The following SLC26A4 variants were observed in gnomAD, a reference collection of about 807,000 sequenced individuals.
SLC26A4 encodes solute carrier family 26 member 4.
SLC26A4 carries 93 observed loss-of-function variants against 90.4 expected under a neutral mutation model. The observed-to-expected ratio is 1.03, with a 90% CI of 0.87 to 1.22. The LOEUF is 1.22. SLC26A4 is among the 50% of genes most tolerant of loss of function. SLC26A4 has a pLI of 0.00. For missense variants in SLC26A4, 1,127 were observed against 946.2 expected (o/e 1.19, Z -2.51); for synonymous variants, 393 against 354.6 (o/e 1.11, Z -1.22).
intron 4 of SLC26A4, among the ~76,000 whole-genome samples, chr7:107,673,887 C>T (rs560577526): frequency 6.6e-6 from 1 of 151,988 alleles, no homozygotes; most frequent in Non-Finnish European, 1.5e-5. Context: ...CACCACCACA[C>T]CCAGCTAATT....
rs750780389 is a variant in SLC26A4 at position 107,694,731 on chromosome 7, A to T, written c.1437+15A>T. 3 of 1,524,406 alleles carry T rather than the reference A, an allele frequency of 2.0e-6. No individual in the cohort carries two copies. In the African/African-American group the frequency reaches 4.1e-5, roughly 21 times the overall value. The allele number at this position is 1,524,406 out of a possible 1,614,324, so 94.4% of individuals were successfully genotyped here. On this transcript the variant is annotated intron_variant, in intron 12 of 20. Transcript: ENST00000644269. ...AGATTGATGCTGTAAGTCACCTACC[A>T]CCTATATTTATCTGAAATAAGATTT...
At chr7:107,678,534 G>A (rs1791085199) in intron 6 of SLC26A4, among the ~76,000 whole-genome samples, 1 of 152,170 alleles carries the variant, frequency 6.6e-6, no homozygotes, top group Admixed American at 6.5e-5. Context: ...ACAAAAGTGA[G>A]CAGGAAACAC....
At chr7:107,710,839 A>G in intron 19 of SLC26A4, among the ~76,000 whole-genome samples, 1 of 152,170 alleles carries the variant, frequency 6.6e-6, no homozygotes. Flanking sequence ...GCTTGGCCTA[A>G]TGGTGCTCCT....
chr7:107,662,025 TG>T (rs1463768611), intron 2 of SLC26A4: 1 of 591,522 alleles, frequency 1.7e-6, no homozygotes, highest in African/African-American at 1.9e-5. Context: ...TGAACTTACC[TG>T]GGAAACTCGC....
chr7:107,677,047 C>A (rs973107603), intron 6 of SLC26A4, among the ~76,000 whole-genome samples: 1 of 152,064 alleles, frequency 6.6e-6, no homozygotes, highest in Non-Finnish European at 1.5e-5. Context: ...CATTGTGGCA[C>A]GCACCTGTAG....
chr7:107,714,319 C>T (rs1347855720), intron 20 of SLC26A4, among the ~76,000 whole-genome samples: 1 of 152,142 alleles, frequency 6.6e-6, no homozygotes, highest in Non-Finnish European at 1.5e-5. Flanking sequence ...GCCTTCTCTG[C>T]CTTTTTCTAG....
chr7:107,702,234 G>T (rs1195877465), intron 17 of SLC26A4, among the ~76,000 whole-genome samples, 177 bp downstream of exon 17: 1 of 152,328 alleles, frequency 6.6e-6, no homozygotes, highest in African/African-American at 2.4e-5. Context: ...CTACCTGGGG[G>T]AGATACTGGC....
chr7:107,670,323 G>A (rs1472754903), intron 3 of SLC26A4, among the ~76,000 whole-genome samples: 1 of 151,892 alleles, frequency 6.6e-6, no homozygotes, highest in African/African-American at 2.4e-5. Flanking sequence ...TGGCCAGGGT[G>A]GTCTTGAGCT....
In SLC26A4 at chr7:107,704,325, T is replaced by C. The variant is rs1338448771; in HGVS notation, c.2035-6T>C. On this transcript the variant is annotated splice_polypyrimidine_tract_variant and splice_region_variant and intron_variant, in intron 17 of 20. Coordinates refer to ENST00000644269, the MANE Select transcript of SLC26A4 (RefSeq NM_000441.2). ...ATTGTTACAAACTCTCCTTTTTTATTTTTAGATTGTCAAAGAATTCCAAAG... is the reference window on the plus strand; with the variant it reads ...ATTGTTACAAACTCTCCTTTTTTATCTTTAGATTGTCAAAGAATTCCAAAG... 5 of 1,309,138 alleles carry C rather than the reference T, an allele frequency of 3.8e-6. 1 individual carries two copies. In the Admixed American group the frequency reaches 8.6e-5, roughly 23 times the overall value. 81.1% of individuals were successfully genotyped at this position (1,309,138 alleles called of 1,614,324 possible).
At chr7:107,712,344 G>A (rs1792214408) in intron 19 of SLC26A4, among the ~76,000 whole-genome samples, 195 bp from the exon 20 acceptor site, 1 of 152,138 alleles carries the variant, frequency 6.6e-6, no homozygotes, top group Non-Finnish European at 1.5e-5. Flanking sequence ...AACTATACCA[G>A]TTCACCTTTC....
chr7:107,664,018 A>C lies in SLC26A4; in HGVS notation c.304+583A>C, dbSNP rs115864673. On this transcript the variant is annotated intron_variant, in intron 3 of 20. Transcript: ENST00000644269. ...TTTTCATTGACCACAATTCAATAAG[A>C]AATGTGTAAAGAGTTTCAAGTCAAG... Among the ~76,000 whole-genome samples, 584 of 152,294 alleles carry C rather than the reference A, an allele frequency of 3.8e-3. 4 individuals carry two copies. The highest frequency in any genetic ancestry group is 0.013 in the African/African-American group (550 of 41,556).
intron 19 of SLC26A4, among the ~76,000 whole-genome samples, chr7:107,711,268 G>T (rs1283926587): frequency 6.6e-6 from 1 of 151,906 alleles, no homozygotes; most frequent in Non-Finnish European, 1.5e-5. Flanking sequence ...TGATAAGAAA[G>T]TTGGATCATA....
rs752982238 is a variant in SLC26A4 at position 107,701,126 on chromosome 7, A to G, written c.1733A>G (p.Tyr578Cys). 5.0e-6 allele frequency: 8 copies of G among 1,609,342 alleles called. No homozygotes were observed. In the Admixed American group the frequency reaches 1.0e-4, roughly 20 times the overall value. The change falls in exon 16 of 21, where the codon TAT (tyrosine) becomes TGT (cysteine). Residue 578 changes from tyrosine to cysteine, a missense_variant. Transcript: ENST00000644269. ...GTTGGATTTGATGCCATTAGAGTAT[A>G]TAATAAGAGGCTGAAAGCGCTGAGG... ...STVGFDAIRV[Y>C]NKRLKALRKI...
chr7:107,665,750 T>A (rs1048106150), intron 3 of SLC26A4, among the ~76,000 whole-genome samples: 1 of 152,310 alleles, frequency 6.6e-6, no homozygotes, highest in Admixed American at 6.5e-5. Flanking sequence ...CTCATAACAA[T>A]CCTGCTAGGT....
intron 10 of SLC26A4, among the ~76,000 whole-genome samples, chr7:107,690,554 G>A (rs1306919245): frequency 6.6e-6 from 1 of 152,122 alleles, no homozygotes; most frequent in Non-Finnish European, 1.5e-5. Flanking sequence ...TTGTTAATTT[G>A]TTACCTGGGG....
rs765644650 is a variant in SLC26A4, at chr7:107,683,457, G to A, written c.921G>A (p.Thr307=). 1.4e-5 allele frequency: 23 copies of A among 1,613,586 alleles called. No individual in the cohort carries two copies. The highest frequency in any genetic ancestry group is 1.7e-5 in the Admixed American group (1 of 59,976). ...PVPIPIEVIV[T]IIATAISYGA... is the part of the protein sequence containing the mutation. ...TAACATCTTTTGTTTTATTTCAGAC[G>A]ATAATTGCTACTGCCATTTCATATG... The change falls in exon 8 of 21, where the codon ACG becomes ACA. Residue 307 remains threonine (T), a splice_region_variant and synonymous_variant. Coordinates refer to ENST00000644269, the MANE Select transcript of SLC26A4 (RefSeq NM_000441.2).
chr7:107,695,743 A>G (rs1276395586), intron 12 of SLC26A4, among the ~76,000 whole-genome samples, 190 bp from the exon 13 acceptor site: 2 of 152,016 alleles, frequency 1.3e-5, no homozygotes, highest in Non-Finnish European at 2.9e-5. Context: ...AATCCAGAAG[A>G]TGGAGGCTGC....
Position 107,717,209 on chromosome 7 carries a change from G to A in SLC26A4, c.*1763G>A, listed in dbSNP as rs913822771. 6 of 151,834 alleles carry A rather than the reference G, an allele frequency of 4.0e-5. No individual in the cohort carries two copies. The highest frequency in any genetic ancestry group is 1.5e-4 in the African/African-American group (6 of 41,342). The allele number at this position is 151,834 out of a possible 1,614,324, so 9.4% of individuals were successfully genotyped here. On this transcript the variant is annotated 3_prime_UTR_variant, in exon 21 of 21. Coordinates refer to ENST00000644269, the MANE Select transcript of SLC26A4 (RefSeq NM_000441.2). ...CGTCTCTACTAAAAATAGAAAAAAAGAAATTAGCCTAGCGTGGTGGCTGGC... is the reference window on the plus strand; with the variant it reads ...CGTCTCTACTAAAAATAGAAAAAAAAAAATTAGCCTAGCGTGGTGGCTGGC...
intron 15 of SLC26A4, 135 bp downstream of exon 15, chr7:107,700,310 A>G (rs1405447370): frequency 6.2e-6 from 4 of 641,394 alleles, no homozygotes; most frequent in Non-Finnish European, 8.4e-6. Flanking sequence ...GAGAATTAAA[A>G]TATAACATCC....
Sources: gnomAD v4.1 joint callset for allele counts (sites outside exome capture counted in the v4.1 genomes callset) on GRCh38, gnomAD v4.1.1 for gene constraint, MANE v1.5 for transcripts, NCBI Gene and HGNC (gene_info 2026-07-23, HGNC 2026-07-21) for gene names.